Variants in PHACTR2 observed in about 807,000 individuals in gnomAD.
PHACTR2 encodes phosphatase and actin regulator 2.
PHACTR2 carries 30 observed loss-of-function variants against 76.0 expected under a neutral mutation model. The ratio of observed to expected loss-of-function variants is 0.39; its 90% CI spans 0.30 to 0.54. The LOEUF is 0.54. Ranked by LOEUF, PHACTR2 falls within the 20% of genes least tolerant of loss-of-function variation. The pLI is 0.61. For missense variants in PHACTR2, 696 were observed against 781.1 expected (o/e 0.89, Z 1.30); for synonymous variants, 292 against 292.5 (o/e 1.00, Z 0.02).
rs1255806439 is a variant in PHACTR2, at chr6:143,597,227, A to G, written c.217+60020A>G. On this transcript the variant is annotated intron_variant, in intron 1 of 11. Transcript: ENST00000367584. The surrounding 1 kb of genome is among the most constrained non-coding windows in gnomAD (Gnocchi z 5.7). ...TGCTCAACCTAGCCTCCAAGAAATG[A>G]AAGACATACCATTCGTGAGCTGCTT... 6.6e-6 allele frequency among the ~76,000 whole-genome samples: 1 copy of G among 152,232 alleles called. No individual in the cohort carries two copies. The highest frequency in any genetic ancestry group is 1.9e-4 in the East Asian group (1 of 5,198).
chr6:143,593,570 T>G (rs9484778), intron 1 of PHACTR2, among the ~76,000 whole-genome samples: 3,176 of 152,316 alleles, frequency 0.021, 117 homozygotes, highest in African/African-American at 0.069. Context: ...AGCCAAATGA[T>G]AGAAACTTTG....
chr6:143,786,818 A>G (rs929004296), intron 10 of PHACTR2, among the ~76,000 whole-genome samples: 4 of 152,184 alleles, frequency 2.6e-5, no homozygotes, highest in East Asian at 1.9e-4. Context: ...CCATGATTCA[A>G]TTACCTCCCC....
chr6:143,796,569 AC>A (rs1430343867), intron 11 of PHACTR2, among the ~76,000 whole-genome samples: 1 of 142,018 alleles, frequency 7.0e-6, no homozygotes, highest in Non-Finnish European at 1.5e-5. Context: ...CTAGTCCCCC[AC>A]CCCCTACAGG....
In PHACTR2 at chr6:143,795,591, T is replaced by C. The variant is rs1390115277; in HGVS notation, c.1845+6681T>C. Among the ~76,000 whole-genome samples the C allele has an allele frequency of 6.6e-6, 1 of 152,194 alleles. No homozygotes were observed. The highest frequency in any genetic ancestry group is 1.5e-5 in the Non-Finnish European group (1 of 68,030). On this transcript the variant is annotated intron_variant, in intron 11 of 12. Transcript: ENST00000440869. The surrounding 1 kb of genome is among the most constrained non-coding windows in gnomAD (Gnocchi z 4.8). ...GTCAGAGAAGGCCATTGAATTGGCC[T>C]GAAGACCTAGGCTTGCCTGCCAGTA...
intron 9 of PHACTR2, among the ~76,000 whole-genome samples, chr6:143,779,593 C>T (rs893408936): frequency 2.0e-5 from 3 of 152,072 alleles, no homozygotes; most frequent in South Asian, 4.2e-4. Context: ...CGTGATTCGC[C>T]CACCTTGGCC....
intron 10 of PHACTR2, among the ~76,000 whole-genome samples, chr6:143,788,449 T>C (rs908581280): frequency 7.9e-5 from 12 of 152,210 alleles, no homozygotes; most frequent in Non-Finnish European, 1.5e-4. Context: ...TACTATTGTG[T>C]CTGCGCATTG....
At chr6:143,748,847 G>T (rs1163456195) in intron 2 of PHACTR2, 138 bp from the exon 3 acceptor site, 1 of 549,484 alleles carries the variant, frequency 1.8e-6, no homozygotes, top group East Asian at 3.1e-5. Flanking sequence ...CAGATCATGT[G>T]TTTTTTTTAA....
At chr6:143,773,170 G>A (rs538697627) in intron 7 of PHACTR2, among the ~76,000 whole-genome samples, 12 of 152,090 alleles carry the variant, frequency 7.9e-5, no homozygotes, top group East Asian at 1.9e-4. Flanking sequence ...CTGAGATCGC[G>A]CCACTGCACT....
At position 143,678,129 on chromosome 6, in the gene PHACTR2, G is replaced by A; in HGVS notation, c.-35G>A. On this transcript the variant is annotated 5_prime_UTR_variant, in exon 1 of 13. Transcript: ENST00000440869. The surrounding 1 kb of genome is among the most constrained non-coding windows in gnomAD (Gnocchi z 6.2). ...CCATGATCGAAGGACCAAAGGAGCC[G>A]CTTGATCGCTGGACCTGGCCCTGCG... 6.5e-7 allele frequency: 1 copy of A among 1,545,962 alleles called. No homozygotes were observed. Among genetic ancestry groups the A allele is most frequent in the Admixed American group, 2.0e-5 (1 of 50,880 alleles).
intron 2 of PHACTR2, among the ~76,000 whole-genome samples, chr6:143,720,987 A>G (rs1204166472): frequency 3.9e-5 from 6 of 152,196 alleles, no homozygotes; most frequent in Non-Finnish European, 8.8e-5. Context: ...ATACAATTTT[A>G]CCAGAAGAGG....
At chr6:143,631,368 ATT>A (rs1265901984) in intron 1 of PHACTR2, among the ~76,000 whole-genome samples, 1 of 151,660 alleles carries the variant, frequency 6.6e-6, no homozygotes, top group East Asian at 1.9e-4. Flanking sequence ...TTTAAAAAAA[ATT>A]TTTTTTAGAG....
At chr6:143,815,618 C>T (rs904092251) in intron 12 of PHACTR2, among the ~76,000 whole-genome samples, 2 of 152,022 alleles carry the variant, frequency 1.3e-5, no homozygotes, top group African/African-American at 4.8e-5. Context: ...AAGGGCTGGG[C>T]GCAGTGGCTC....
At chr6:143,555,570 G>T (rs1312783995) in intron 1 of PHACTR2, among the ~76,000 whole-genome samples, 1 of 152,110 alleles carries the variant, frequency 6.6e-6, no homozygotes, top group Non-Finnish European at 1.5e-5. Context: ...GATCAACACA[G>T]AAATATTTTA....
chr6:143,668,623 AATTTATCT>A (rs527837627), intron 1 of PHACTR2, among the ~76,000 whole-genome samples: 104 of 152,224 alleles, frequency 6.8e-4, no homozygotes, highest in African/African-American at 2.4e-3. Flanking sequence ...TGTGTACAGG[AATTTATCT>A]ATTTCTTCCA....
chr6:143,621,759 T>C lies in PHACTR2; in HGVS notation c.13+13437T>C, dbSNP rs1776158774. Among the ~76,000 whole-genome samples the C allele has an allele frequency of 6.6e-6, 1 of 152,210 alleles. No homozygotes were observed. The highest frequency in any genetic ancestry group is 2.1e-4 in the South Asian group (1 of 4,828). ...CTTGAGTAGTAAGTATTATGTAACA[T>C]AGATTCATTTTGCACCTACGTGGAC... is the stretch of plus-strand genomic sequence containing the variant. On this transcript the variant is annotated intron_variant, in intron 1 of 11. Transcript: ENST00000305766. This position sits in a 1 kb window ranked among gnomAD's most constrained non-coding sequence, Gnocchi z 4.1.
rs1393395184 is a variant in PHACTR2, at chr6:143,809,678, A to T, written c.1922+2545A>T. Among the ~76,000 whole-genome samples, 1 of 151,714 alleles carries T rather than the reference A, an allele frequency of 6.6e-6. No homozygotes were observed. Among genetic ancestry groups the T allele is most frequent in the African/African-American group, 2.4e-5 (1 of 41,318 alleles). ...AAAAGCTTGATGTAGATCCTTTTAGATGTTTTTCCATGCATTTATAAATGT... is the reference window on the plus strand; with the variant it reads ...AAAAGCTTGATGTAGATCCTTTTAGTTGTTTTTCCATGCATTTATAAATGT... On this transcript the variant is annotated intron_variant, in intron 12 of 12. Coordinates refer to ENST00000440869, the MANE Select transcript of PHACTR2 (RefSeq NM_001100164.2). The surrounding 1 kb of genome is among the most constrained non-coding windows in gnomAD (Gnocchi z 4.2).
Position 143,654,866 on chromosome 6 carries a change from A to G in PHACTR2, c.13+46544A>G, listed in dbSNP as rs1776821880. Among the ~76,000 whole-genome samples, 1 of 152,062 alleles carries G rather than the reference A, an allele frequency of 6.6e-6. No individual in the cohort carries two copies. Among genetic ancestry groups the G allele is most frequent in the Non-Finnish European group, 1.5e-5 (1 of 68,030 alleles). ...GCCACAACATGGACGACTCTTAAAAACATCATGCTAGCCGGGCACTGTGGC... is the reference window on the plus strand; with the variant it reads ...GCCACAACATGGACGACTCTTAAAAGCATCATGCTAGCCGGGCACTGTGGC... On this transcript the variant is annotated intron_variant, in intron 1 of 11. Coordinates refer to the PHACTR2 transcript ENST00000305766. The surrounding 1 kb of genome is among the most constrained non-coding windows in gnomAD (Gnocchi z 4.6).
In PHACTR2 at chr6:143,800,348, G is replaced by A. The variant is rs190061818; in HGVS notation, c.1846-6709G>A. Among the ~76,000 whole-genome samples the A allele has an allele frequency of 9.9e-5, 15 of 152,076 alleles. 1 individual carries two copies. Among genetic ancestry groups the A allele is most frequent in the Middle Eastern group, 3.4e-3 (1 of 294 alleles). ...GCAATCTCCGCTCACAGCAAGCTCC[G>A]CCTCCCAGGGTCACCCTATTCTCCT... On this transcript the variant is annotated intron_variant, in intron 11 of 12. Transcript: ENST00000440869. This position sits in a 1 kb window ranked among gnomAD's most constrained non-coding sequence, Gnocchi z 4.8.
intron 2 of PHACTR2, among the ~76,000 whole-genome samples, chr6:143,745,540 T>G (rs1344798129): frequency 6.6e-6 from 1 of 152,220 alleles, no homozygotes; most frequent in African/African-American, 2.4e-5. Flanking sequence ...TTCATTGCAA[T>G]GCAAACCCCC....
Sources: gnomAD v4.1 joint callset for allele counts (sites outside exome capture counted in the v4.1 genomes callset) on GRCh38, gnomAD v4.1.1 for gene constraint, Gnocchi (gnomAD v3.1) non-coding constraint, MANE v1.5 for transcripts, NCBI Gene and HGNC (gene_info 2026-07-23, HGNC 2026-07-21) for gene names.